Variants in PTGFRN observed in about 807,000 individuals in gnomAD.
PTGFRN encodes the protein prostaglandin F2 receptor inhibitor.
PTGFRN carries 35 observed loss-of-function variants against 83.2 expected under a neutral mutation model. The observed-to-expected ratio is 0.42, with a 90% confidence interval of 0.32 to 0.56. The LOEUF (loss-of-function observed/expected upper bound fraction) is 0.56, where lower values mean the gene tolerates loss of function less well. Ranked by LOEUF, PTGFRN falls within the 20% of genes least tolerant of loss-of-function variation. The probability of loss-of-function intolerance (pLI) is 0.11; values close to 1 mark genes in which losing one functional copy is unlikely to be tolerated. For missense variants in PTGFRN, 1,051 were observed against 1,179.5 expected, an observed-to-expected ratio of 0.89 and a Z score of 1.60; for synonymous variants, 519 against 498.6, an observed-to-expected ratio of 1.04 and a Z score of -0.55.
chr1:116,913,481 A>G (rs1437039512), intron 1 of PTGFRN, among the ~76,000 whole-genome samples: 1 of 152,058 alleles, frequency 6.6e-6, no homozygotes, highest in Non-Finnish European at 1.5e-5. Flanking sequence ...GGTTTGGGAT[A>G]GATCCTGTAG....
At chr1:116,940,618 T>C (rs1465042730) in intron 1 of PTGFRN, among the ~76,000 whole-genome samples, 1 of 152,214 alleles carries the variant, frequency 6.6e-6, no homozygotes, top group East Asian at 1.9e-4. Context: ...GGTTCCCATT[T>C]CCTGGAGCCC....
Position 116,949,190 on chromosome 1 carries a change from A to C in PTGFRN, c.833-2A>C. The C allele has an allele frequency of 1.3e-6, 2 of 1,567,402 alleles. No homozygotes were observed. Among genetic ancestry groups the C allele is most frequent in the Non-Finnish European group, 1.7e-6 (2 of 1,154,910 alleles). ...TAGATGTATTTGTTTTTAATTTTCA[A>C]GTTCTGCGAGCAGCTGTGCCCAAGA... On this transcript the variant is annotated splice_acceptor_variant, in intron 3 of 8. Coordinates refer to ENST00000393203, the MANE Select transcript of PTGFRN (RefSeq NM_020440.4). LOFTEE classifies it high-confidence loss of function.
intron 1 of PTGFRN, among the ~76,000 whole-genome samples, chr1:116,913,203 G>A (rs986373706): frequency 6.6e-6 from 1 of 152,224 alleles, no homozygotes; most frequent in African/African-American, 2.4e-5. Context: ...AAACAAGGAA[G>A]GGGATGATTA....
chr1:116,946,850 T>C (rs1388744761), intron 3 of PTGFRN, among the ~76,000 whole-genome samples: 2 of 152,238 alleles, frequency 1.3e-5, no homozygotes, highest in Non-Finnish European at 2.9e-5. Context: ...GCTTTATTAA[T>C]GCATTGATAA....
chr1:116,961,744 C>A lies in PTGFRN; in HGVS notation c.1639+76C>A. The A allele has an allele frequency of 7.4e-7, 1 of 1,346,740 alleles. No individual in the cohort carries two copies. Among genetic ancestry groups the A allele is most frequent in the South Asian group, 1.4e-5 (1 of 69,486 alleles). The allele number at this position is 1,346,740 out of a possible 1,614,324, so 83.4% of individuals were successfully genotyped here. Reference sequence around the variant, plus strand: ...GTGCCGCTGTGTGTTGATGCACAGTCACCCTCTGCAGGTTATCACTTACAC... The same window carrying A: ...GTGCCGCTGTGTGTTGATGCACAGTAACCCTCTGCAGGTTATCACTTACAC... On this transcript the variant is annotated intron_variant, in intron 5 of 8. Coordinates refer to ENST00000393203, the MANE Select transcript of PTGFRN (RefSeq NM_020440.4). This position sits in a 1 kb window ranked among gnomAD's most constrained non-coding sequence, Gnocchi z 5.4.
intron 1 of PTGFRN, among the ~76,000 whole-genome samples, chr1:116,937,759 T>C (rs1649958004): frequency 6.6e-6 from 1 of 152,112 alleles, no homozygotes; most frequent in African/African-American, 2.4e-5. Flanking sequence ...ATTAGGAAAT[T>C]CCTCTGTAAA....
chr1:116,942,743 C>T (rs1223659940), intron 2 of PTGFRN, among the ~76,000 whole-genome samples: 1 of 152,068 alleles, frequency 6.6e-6, no homozygotes, highest in South Asian at 2.1e-4. Flanking sequence ...AAATATTACA[C>T]CTTATGTACC....
intron 3 of PTGFRN, among the ~76,000 whole-genome samples, chr1:116,946,419 T>A: frequency 6.6e-6 from 1 of 152,334 alleles, no homozygotes; most frequent in African/African-American, 2.4e-5. Flanking sequence ...GGACTTAGGT[T>A]ACCTTCCTGA....
intron 1 of PTGFRN, among the ~76,000 whole-genome samples, chr1:116,927,114 G>T (rs774487477): frequency 6.6e-6 from 1 of 152,156 alleles, no homozygotes; most frequent in African/African-American, 2.4e-5. Context: ...AAGGACAAAC[G>T]GGTGTCTACT....
Position 116,944,787 on chromosome 1 carries a change from C to T in PTGFRN, c.527C>T (p.Pro176Leu), listed in dbSNP as rs559167017. 9 of 1,562,904 alleles carry T rather than the reference C, an allele frequency of 5.8e-6. No homozygotes were observed. The Admixed American group carries it at 7.4e-5, about 13-fold the overall frequency. The change falls in exon 3 of 9, where the codon CCG becomes CTG. Residue 176 changes from proline to leucine, a missense_variant. This residue lies in a region of PTGFRN where 205 missense variants were observed against 174.5 expected (regional missense o/e 1.17). Transcript: ENST00000393203. Reference protein sequence around the residue: ...ELRCTAASASPLHTHLALLWE... With the variant: ...ELRCTAASASLLHTHLALLWE... ...CGCTGCACCGCCGCCTCCGCCTCGCCGCTGCACACGCACCTGGCGCTGCTG... is the reference window on the plus strand; with the variant it reads ...CGCTGCACCGCCGCCTCCGCCTCGCTGCTGCACACGCACCTGGCGCTGCTG...
chr1:116,922,937 C>G (rs1024546267), intron 1 of PTGFRN, among the ~76,000 whole-genome samples: 15 of 152,136 alleles, frequency 9.9e-5, no homozygotes, highest in African/African-American at 3.6e-4. Context: ...CTTTGGATTT[C>G]AAGTAAAGCC....
chr1:116,954,398 A>G (rs1478290148), intron 4 of PTGFRN, among the ~76,000 whole-genome samples: 3 of 151,572 alleles, frequency 2.0e-5, no homozygotes, highest in Non-Finnish European at 4.4e-5. Context: ...CATTTTGACG[A>G]TTGGTCAATA....
chr1:116,971,814 T>C (rs893181842), intron 6 of PTGFRN, among the ~76,000 whole-genome samples: 7 of 152,190 alleles, frequency 4.6e-5, no homozygotes, highest in Non-Finnish European at 1.0e-4. Context: ...AAGTGAAATT[T>C]GTTCGAATTA....
chr1:116,985,732 C>T (rs1651457787), intron 8 of PTGFRN, among the ~76,000 whole-genome samples: 1 of 150,666 alleles, frequency 6.6e-6, no homozygotes, highest in African/African-American at 2.4e-5. Context: ...GAGACTCCTT[C>T]TGGAGTCAGT....
intron 5 of PTGFRN, among the ~76,000 whole-genome samples, chr1:116,962,037 A>G (rs941189870): frequency 6.6e-6 from 1 of 152,158 alleles, no homozygotes; most frequent in Non-Finnish European, 1.5e-5. Flanking sequence ...CAACTAAGTG[A>G]TGCCCATTTT....
chr1:116,927,948 A>G (rs1294634459), intron 1 of PTGFRN, among the ~76,000 whole-genome samples: 1 of 152,212 alleles, frequency 6.6e-6, no homozygotes, highest in Non-Finnish European at 1.5e-5. Flanking sequence ...TTTGGAGAAC[A>G]TGCGTATGAA....
intron 7 of PTGFRN, among the ~76,000 whole-genome samples, chr1:116,977,701 C>A (rs1360461093): frequency 6.6e-6 from 1 of 152,154 alleles, no homozygotes; most frequent in Non-Finnish European, 1.5e-5. Flanking sequence ...ATACCAGAAT[C>A]TCTGGGACAC....
In PTGFRN at chr1:116,961,563, AATT is replaced by A; in HGVS notation, c.1539_1541del (p.Tyr514del). ...AAGGACTACAGAGGAAGACAGAGGC[AATT>A]ATTACTGTGTTGTGTCTGCCTGGAC... On this transcript the variant is annotated inframe_deletion, in exon 5 of 9. Transcript: ENST00000393203. The surrounding 1 kb of genome is among the most constrained non-coding windows in gnomAD (Gnocchi z 5.4). 6.2e-7 allele frequency: 1 copy of A among 1,614,186 alleles called. No individual in the cohort carries two copies. Among genetic ancestry groups the A allele is most frequent in the Non-Finnish European group, 8.5e-7 (1 of 1,180,030 alleles).
intron 7 of PTGFRN, among the ~76,000 whole-genome samples, chr1:116,980,114 C>T (rs4625267): frequency 0.055 from 8,310 of 152,040 alleles, 616 homozygotes; most frequent in East Asian, 0.41. Flanking sequence ...CATGAAAAAA[C>T]GCTCATCATC....
Sources: gnomAD v4.1 joint callset for allele counts (sites outside exome capture counted in the v4.1 genomes callset) on GRCh38, gnomAD v4.1.1 for gene constraint, gnomAD v4.1.1 regional missense constraint, Gnocchi (gnomAD v3.1) non-coding constraint, MANE v1.5 for transcripts, NCBI Gene and HGNC (gene_info 2026-07-23, HGNC 2026-07-21) for gene names.